The following CABLES1 variants were observed in gnomAD, a reference collection of about 807,000 sequenced individuals.
The protein encoded by CABLES1 is CDK5 and ABL1 enzyme substrate 1.
Under a neutral mutation model 57.8 loss-of-function variants are expected in CABLES1, and 36 were observed. The observed-to-expected ratio is 0.62, with a 90% CI of 0.48 to 0.82. CABLES1 has a LOEUF of 0.82. Ranked by LOEUF, CABLES1 falls within the 40% of genes least tolerant of loss-of-function variation. CABLES1 has a pLI of 0.00. For missense variants in CABLES1, 767 were observed against 836.6 expected (o/e 0.92, Z 1.03); for synonymous variants, 374 against 363.0 (o/e 1.03, Z -0.35).
chr18:23,255,075 A>G (rs568414006), intron 9 of CABLES1, among the ~76,000 whole-genome samples: 1 of 152,254 alleles, frequency 6.6e-6, no homozygotes, highest in East Asian at 1.9e-4. Context: ...GTCTGTCCCT[A>G]ATTGTCTGGT....
chr18:23,246,815 C>G (rs1232579559), intron 7 of CABLES1, among the ~76,000 whole-genome samples: 1 of 151,908 alleles, frequency 6.6e-6, no homozygotes, highest in African/African-American at 2.4e-5. Context: ...GCCTTAGCCT[C>G]CCAAGTAGCT....
chr18:23,234,560 T>C, intron 4 of CABLES1, 48 bp from the exon 5 acceptor site: 1 of 1,356,358 alleles, frequency 7.4e-7, no homozygotes, highest in African/African-American at 1.4e-5. Context: ...CATGGCTCTT[T>C]GAGGTGCACA....
intron 3 of CABLES1, among the ~76,000 whole-genome samples, chr18:23,204,106 CA>C (rs1160181634): frequency 6.6e-6 from 1 of 152,186 alleles, no homozygotes; most frequent in African/African-American, 2.4e-5. Flanking sequence ...GAGCTGCTCA[CA>C]AGTCTCACCA....
At chr18:23,223,768 GC>G (rs1248761440) in intron 4 of CABLES1, among the ~76,000 whole-genome samples, 1 of 151,892 alleles carries the variant, frequency 6.6e-6, no homozygotes, top group African/African-American at 2.4e-5. Flanking sequence ...TTATTGCCAG[GC>G]CCTTCTGAAG....
At chr18:23,185,505 G>A (rs984798189) in intron 1 of CABLES1, among the ~76,000 whole-genome samples, 4 of 152,172 alleles carry the variant, frequency 2.6e-5, no homozygotes, top group Admixed American at 6.5e-5. Flanking sequence ...GGGTGGGGGT[G>A]GATGCATGGA....
intron 3 of CABLES1, among the ~76,000 whole-genome samples, chr18:23,205,259 C>T (rs2047355177): frequency 7.3e-6 from 1 of 137,158 alleles, no homozygotes; most frequent in Non-Finnish European, 1.5e-5. Context: ...GTGATCTTGG[C>T]TCACTGCAAC....
chr18:23,206,072 G>T (rs2047360829), intron 3 of CABLES1, among the ~76,000 whole-genome samples: 2 of 152,248 alleles, frequency 1.3e-5, no homozygotes, highest in South Asian at 4.1e-4. Context: ...ACATTTCTGT[G>T]GTTTAAGCCA....
chr18:23,234,515 G>A lies in CABLES1; in HGVS notation c.1089-93G>A, dbSNP rs1598844235. On this transcript the variant is annotated intron_variant, in intron 4 of 9. Coordinates refer to ENST00000256925, the MANE Select transcript of CABLES1 (RefSeq NM_001100619.3). Reference sequence around the variant, plus strand: ...CAGGGCTCACCTGGTCATTTTCATCGGTGTGACTGTGTTGTCTCATGGAGT... The same window carrying A: ...CAGGGCTCACCTGGTCATTTTCATCAGTGTGACTGTGTTGTCTCATGGAGT... 1.1e-5 allele frequency: 10 copies of A among 911,966 alleles called. 1 individual carries two copies. Among genetic ancestry groups the A allele is most frequent in the South Asian group, 5.9e-5 (4 of 68,366 alleles). The allele number at this position is 911,966 out of a possible 1,614,324, so 56.5% of individuals were successfully genotyped here. A position where few individuals can be genotyped will look rare whatever the true frequency, so the allele number is the denominator to read the frequency against.
intron 1 of CABLES1, among the ~76,000 whole-genome samples, chr18:23,180,146 C>T (rs187800386): frequency 1.3e-4 from 20 of 152,218 alleles, no homozygotes; most frequent in Non-Finnish European, 2.1e-4. Context: ...TGGTCTCGAT[C>T]TCCTGACCTC....
At chr18:23,213,826 G>A in intron 3 of CABLES1, 151 bp from the exon 4 acceptor site, 1 of 575,124 alleles carries the variant, frequency 1.7e-6, no homozygotes, top group African/African-American at 1.9e-5. Flanking sequence ...ATTTTGCAAG[G>A]AGAGCAGAAT....
chr18:23,235,868 T>A, intron 5 of CABLES1, 27 bp from the exon 6 acceptor site: 1 of 1,610,406 alleles, frequency 6.2e-7, no homozygotes, highest in African/African-American at 1.3e-5. Context: ...GAATAATCAC[T>A]GGCCTGTTTT....
rs926206834 is a variant in CABLES1 at position 23,260,110 on chromosome 18, G to T, written c.*2743G>T. The T allele has an allele frequency of 6.6e-6, 1 of 152,260 alleles. No homozygotes were observed. Among genetic ancestry groups the T allele is most frequent in the African/African-American group, 2.4e-5 (1 of 41,450 alleles). The allele number at this position is 152,260 out of a possible 1,614,324, so 9.4% of individuals were successfully genotyped here. The stretch of plus-strand genomic sequence containing the variant: ...CCCAGGAGGAAACGGGCAGCAGGGA[G>T]TGTGGCCCAGCCCCCACTGTACCCC... On this transcript the variant is annotated 3_prime_UTR_variant, in exon 10 of 10. Coordinates refer to ENST00000256925, the MANE Select transcript of CABLES1 (RefSeq NM_001100619.3).
At chr18:23,238,640 A>T (rs60635153) in intron 7 of CABLES1, among the ~76,000 whole-genome samples, 6,150 of 152,346 alleles carry the variant, frequency 0.04, 238 homozygotes, top group East Asian at 0.15. Flanking sequence ...CCTGATGTCA[A>T]GGAGGGAGCA....
At chr18:23,200,970 T>C (rs949838298) in intron 3 of CABLES1, among the ~76,000 whole-genome samples, 1 of 152,118 alleles carries the variant, frequency 6.6e-6, no homozygotes, top group Admixed American at 6.5e-5. Context: ...TCCTGCAGCA[T>C]AGATGAGTGA....
At chr18:23,238,513 C>T (rs1320890773) in intron 7 of CABLES1, among the ~76,000 whole-genome samples, 2 of 152,178 alleles carry the variant, frequency 1.3e-5, no homozygotes, top group East Asian at 1.9e-4. Context: ...AAATCAGAGT[C>T]ATGTATAATT....
chr18:23,162,838 C>CGGGAAGAG (rs1226616971), intron 1 of CABLES1, among the ~76,000 whole-genome samples: 21 of 152,162 alleles, frequency 1.4e-4, no homozygotes, highest in Admixed American at 1.4e-3. Flanking sequence ...GTATAAGCAG[C>CGGGAAGAG]GGGAAGAGGG....
At chr18:23,180,068 G>A (rs1361576833) in intron 1 of CABLES1, among the ~76,000 whole-genome samples, 6 of 151,942 alleles carry the variant, frequency 3.9e-5, no homozygotes, top group African/African-American at 9.7e-5. Context: ...ACAGGCGCCC[G>A]CCACCACGCC....
At chr18:23,212,007 G>T (rs150939064) in intron 3 of CABLES1, among the ~76,000 whole-genome samples, 4 of 152,334 alleles carry the variant, frequency 2.6e-5, no homozygotes, top group African/African-American at 4.8e-5. Flanking sequence ...ACCAGCGTCC[G>T]GGCCCGTGGT....
intron 1 of CABLES1, among the ~76,000 whole-genome samples, chr18:23,185,840 A>G (rs1433776617): frequency 6.6e-6 from 1 of 152,226 alleles, no homozygotes; most frequent in Non-Finnish European, 1.5e-5. Context: ...TTGGATGTGC[A>G]TACTTAATTT....
Sources: allele counts gnomAD v4.1 joint callset (sites outside exome capture counted in the v4.1 genomes callset), GRCh38; gene constraint gnomAD v4.1.1; transcripts MANE v1.5; gene names NCBI Gene and HGNC (gene_info 2026-07-23, HGNC 2026-07-21).